SYTL2: variants seen among roughly 807,000 people sequenced by gnomAD.
SYTL2 encodes synaptotagmin-like protein 2.
Under a neutral mutation model 198.7 loss-of-function variants are expected in SYTL2, and 165 were observed. That is an observed-to-expected ratio of 0.83 (90% CI 0.73 to 0.94). SYTL2 has a LOEUF of 0.94. Among genes scored for constraint, SYTL2 ranks in the 40% least tolerant of loss-of-function variants. The pLI is 0.00. For synonymous variants in SYTL2, 966 were observed against 917.7 expected, an observed-to-expected ratio of 1.05 and a Z score of -0.95; for missense variants, 2,835 against 2,582.8, an observed-to-expected ratio of 1.10 and a Z score of -2.12.
intron 18 of SYTL2, 41 bp from the exon 19 acceptor site, chr11:85,696,429 T>G: frequency 6.8e-7 from 1 of 1,464,908 alleles, no homozygotes; most frequent in Non-Finnish European, 9.6e-7. Flanking sequence ...TTTAGTAAGA[T>G]AGTGAACATT....
intron 4 of SYTL2, among the ~76,000 whole-genome samples, chr11:85,744,890 G>T (rs771314791): frequency 6.6e-6 from 1 of 152,078 alleles, no homozygotes; most frequent in Non-Finnish European, 1.5e-5. Context: ...GGCTCAAAAG[G>T]TTTATAGCAA....
intron 7 of SYTL2, among the ~76,000 whole-genome samples, chr11:85,732,179 T>A (rs11234392): frequency 0.037 from 5,705 of 152,224 alleles, 177 homozygotes; most frequent in East Asian, 0.099. Flanking sequence ...GTGAAGACAG[T>A]GTGGTGATTC....
intron 1 of SYTL2, among the ~76,000 whole-genome samples, chr11:85,769,321 A>C (rs186587917): frequency 2.6e-5 from 4 of 152,340 alleles, no homozygotes; most frequent in Admixed American, 2.6e-4. Context: ...AGAAGGAATT[A>C]GAATAGTCAG....
At chr11:85,705,723 T>C (rs2085031093) in intron 15 of SYTL2, among the ~76,000 whole-genome samples, 1 of 152,260 alleles carries the variant, frequency 6.6e-6, no homozygotes, top group Non-Finnish European at 1.5e-5. Context: ...GGCTTCATGA[T>C]GTACTACTTG....
intron 2 of SYTL2, among the ~76,000 whole-genome samples, chr11:85,757,201 G>A (rs2091914339): frequency 6.6e-6 from 1 of 151,776 alleles, no homozygotes; most frequent in African/African-American, 2.4e-5. Flanking sequence ...ATGCAGAAAT[G>A]TGAGCTAGTT....
chr11:85,789,312 A>ATG (rs1233743341), intron 1 of SYTL2, among the ~76,000 whole-genome samples: 1 of 92,886 alleles, frequency 1.1e-5, no homozygotes, highest in African/African-American at 4.2e-5. Context: ...TATTTATATG[A>ATG]TGTGTGTGTG....
chr11:85,719,038 A>C (rs2087840227), intron 9 of SYTL2, 195 bp from the exon 10 acceptor site: 1 of 1,520,668 alleles, frequency 6.6e-7, no homozygotes, highest in Non-Finnish European at 8.8e-7. Flanking sequence ...GGGAGCTCCC[A>C]TTTCAGCCCG....
chr11:85,714,371 CCT>C, intron 12 of SYTL2, 40 bp downstream of exon 12: 1 of 1,502,810 alleles, frequency 6.7e-7, no homozygotes, highest in Non-Finnish European at 9.3e-7. Flanking sequence ...CAATTCCAAC[CCT>C]CTGTCTCCAT....
At chr11:85,777,294 A>G (rs1379489476) in intron 1 of SYTL2, among the ~76,000 whole-genome samples, 1 of 152,196 alleles carries the variant, frequency 6.6e-6, no homozygotes, top group African/African-American at 2.4e-5. Context: ...AAGAACATGT[A>G]ATCTGTACCA....
intron 1 of SYTL2, among the ~76,000 whole-genome samples, chr11:85,806,055 C>T (rs2092954795): frequency 6.6e-6 from 1 of 152,224 alleles, no homozygotes; most frequent in Non-Finnish European, 1.5e-5. Flanking sequence ...AATCTGAGGA[C>T]ACTGCACCAC....
intron 1 of SYTL2, among the ~76,000 whole-genome samples, chr11:85,779,280 T>A (rs547668914): frequency 3.3e-5 from 5 of 152,292 alleles, no homozygotes; most frequent in Non-Finnish European, 4.4e-5. Flanking sequence ...TTGGTTCAGA[T>A]GTGGTTGTTT....
intron 4 of SYTL2, among the ~76,000 whole-genome samples, chr11:85,742,337 G>A (rs1275938449): frequency 3.3e-5 from 5 of 152,210 alleles, no homozygotes; most frequent in Non-Finnish European, 5.9e-5. Context: ...AACCAGAACA[G>A]ACCTAATTTG....
In SYTL2 at chr11:85,741,363, A is replaced by C. The variant is rs1349699784; in HGVS notation, c.390-3707T>G. 2.0e-5 allele frequency among the ~76,000 whole-genome samples: 3 copies of C among 152,194 alleles called. No individual in the cohort carries two copies. In the East Asian group the frequency reaches 5.8e-4, roughly 29 times the overall value. On this transcript the variant is annotated intron_variant, in intron 4 of 19. Transcript: ENST00000359152. ...TCAGTATTTCTTTAAGTAAAATATT[A>C]CTTGTGAGTATACATAGTTCTCCAG...
At chr11:85,775,756 C>G (rs189985095) in intron 1 of SYTL2, among the ~76,000 whole-genome samples, 1 of 152,152 alleles carries the variant, frequency 6.6e-6, no homozygotes, top group African/African-American at 2.4e-5. Flanking sequence ...GCTAGGATTA[C>G]GGGTATAAAC....
rs2092782237 is a variant in SYTL2, at chr11:85,795,024, T to C, written c.-390+15930A>G. ...TACATTTCAGAAGTATTGCCCACTG[T>C]GTGGCCTTGGGCAAGTTACTTAGCT... On this transcript the variant is annotated intron_variant, in intron 1 of 19. Coordinates refer to ENST00000359152, the MANE Select transcript of SYTL2 (RefSeq NM_206927.4). 2.6e-5 allele frequency among the ~76,000 whole-genome samples: 4 copies of C among 152,008 alleles called. No individual in the cohort carries two copies. In the South Asian group the frequency reaches 8.3e-4, roughly 31 times the overall value.
rs562315984 is a variant in SYTL2 at position 85,702,394 on chromosome 11, G to T, written c.6190-1801C>A. Among the ~76,000 whole-genome samples the T allele has an allele frequency of 5.3e-5, 8 of 152,134 alleles. No homozygotes were observed. The South Asian group carries it at 1.7e-3, about 32-fold the overall frequency. On this transcript the variant is annotated intron_variant, in intron 16 of 19. Coordinates refer to ENST00000359152, the MANE Select transcript of SYTL2 (RefSeq NM_206927.4). ...GGCAGGGTTTTGCCACGTTCCTCAG[G>T]CTTGTCTCCATCCAACTCCTGGACT... is the stretch of plus-strand genomic sequence containing the variant.
At chr11:85,779,159 T>C (rs1163427242) in intron 1 of SYTL2, among the ~76,000 whole-genome samples, 2 of 152,152 alleles carry the variant, frequency 1.3e-5, no homozygotes, top group Admixed American at 6.5e-5. Context: ...TATTATTACA[T>C]AGAAAATTAG....
chr11:85,795,249 TC>T (rs2092786818), intron 1 of SYTL2, among the ~76,000 whole-genome samples: 1 of 151,732 alleles, frequency 6.6e-6, no homozygotes, highest in African/African-American at 2.4e-5. Context: ...TAAAGTCACA[TC>T]CCCCCAAGGA....
intron 2 of SYTL2, among the ~76,000 whole-genome samples, chr11:85,753,478 C>A (rs978806469): frequency 2.0e-5 from 3 of 152,152 alleles, no homozygotes; most frequent in African/African-American, 7.2e-5. Context: ...CCCAGAGACA[C>A]CCCAGTGACT....
Sources: gnomAD v4.1 joint callset for allele counts (sites outside exome capture counted in the v4.1 genomes callset) on GRCh38, gnomAD v4.1.1 for gene constraint, MANE v1.5 for transcripts, NCBI Gene and HGNC (gene_info 2026-07-23, HGNC 2026-07-21) for gene names.